Variants in ZNF423 observed in about 807,000 individuals in gnomAD.
ZNF423 encodes the protein Ebf-associated zinc finger protein.
In ZNF423, 12 loss-of-function variants were observed where a neutral mutation model predicts 95.8. That is an observed-to-expected ratio of 0.13 (90% confidence interval 0.08 to 0.20). The LOEUF (loss-of-function observed/expected upper bound fraction) is 0.20. Ranked by LOEUF, ZNF423 falls within the 10% of genes least tolerant of loss-of-function variation. The pLI is 1.00. For synonymous variants in ZNF423, 749 were observed against 711.9 expected, an observed-to-expected ratio of 1.05 and a Z score of -0.83; for missense variants, 1,316 against 1,737.1, an observed-to-expected ratio of 0.76 and a Z score of 4.31.
At position 49,636,791 on chromosome 16, in the gene ZNF423, C is replaced by T. The variant is rs189431522; in HGVS notation, c.2385G>A (p.Gly795=). Residue 795 remains glycine (G), a synonymous_variant, in exon 4 of 8, where the codon GGG becomes GGA. Transcript: ENST00000563137. This position sits in a 1 kb window ranked among gnomAD's most constrained non-coding sequence, Gnocchi z 8.6. The part of the protein sequence containing the change: ...PAKAHKCIFC[G]ETFSTEVELQ... ...GCTCCACCTCGGTGCTGAAGGTCTC[C>T]CCACAGAAGATGCACTTGTGAGCCT... 4.7e-5 allele frequency: 76 copies of T among 1,614,136 alleles called. No individual in the cohort carries two copies. The highest frequency in any genetic ancestry group is 6.7e-5 in the African/African-American group (5 of 75,056).
At chr16:49,633,530 A>C (rs1269255278) in intron 4 of ZNF423, among the ~76,000 whole-genome samples, 1 of 151,866 alleles carries the variant, frequency 6.6e-6, no homozygotes, top group Admixed American at 6.5e-5. Context: ...ATCACTATTC[A>C]TTACCACTGC....
intron 5 of ZNF423, among the ~76,000 whole-genome samples, chr16:49,532,564 G>A (rs1299957210): frequency 1.3e-5 from 2 of 152,198 alleles, no homozygotes; most frequent in East Asian, 1.9e-4. Context: ...GGGACCCAGA[G>A]CCTCTTCAAA....
In ZNF423 at chr16:49,677,471, A is replaced by AAAAGG. The variant is rs199954630; in HGVS notation, c.302-38602_302-38598dup. Among the ~76,000 whole-genome samples, 10 of 151,712 alleles carry AAAAGG rather than the reference A, an allele frequency of 6.6e-5. 1 individual carries two copies. Among genetic ancestry groups the AAAAGG allele is most frequent in the Non-Finnish European group, 8.8e-5 (6 of 67,868 alleles). On this transcript the variant is annotated intron_variant, in intron 3 of 7. Transcript: ENST00000563137. ...AAAGAGAAAGAAGAGAAGAGAAAAG[A>AAAAGG]AAAGGAAAGGAAAGGAAAGAAAAGA...
intron 4 of ZNF423, among the ~76,000 whole-genome samples, chr16:49,633,157 G>A (rs1596750820): frequency 6.6e-6 from 1 of 152,186 alleles, no homozygotes; most frequent in East Asian, 1.9e-4. Flanking sequence ...AAAGCTGGGG[G>A]CTTGAGGCAA....
chr16:49,674,479 G>C (rs1315452543), intron 3 of ZNF423, among the ~76,000 whole-genome samples: 1 of 152,190 alleles, frequency 6.6e-6, no homozygotes, highest in Non-Finnish European at 1.5e-5. Flanking sequence ...TCTGAGACGT[G>C]ATGTCACTCT....
chr16:49,761,613 G>A (rs962597491), intron 2 of ZNF423, among the ~76,000 whole-genome samples: 4 of 152,206 alleles, frequency 2.6e-5, no homozygotes, highest in African/African-American at 9.6e-5. Context: ...AGTAAATGCA[G>A]CAACATGCGT....
intron 1 of ZNF423, among the ~76,000 whole-genome samples, chr16:49,839,336 T>C (rs1015510556): frequency 4.6e-5 from 7 of 151,896 alleles, no homozygotes; most frequent in Non-Finnish European, 8.8e-5. Flanking sequence ...GCTAGATGCC[T>C]TGGAGAGGGG....
chr16:49,802,980 C>T (rs1486819255), intron 1 of ZNF423, among the ~76,000 whole-genome samples: 3 of 152,194 alleles, frequency 2.0e-5, no homozygotes, highest in Admixed American at 6.5e-5. Flanking sequence ...CAAGGACCAG[C>T]CCGATGGCTC....
intron 7 of ZNF423, among the ~76,000 whole-genome samples, chr16:49,497,993 C>T (rs1466517305): frequency 6.6e-6 from 1 of 152,164 alleles, no homozygotes; most frequent in African/African-American, 2.4e-5. Flanking sequence ...CTTTTAGCTG[C>T]CCTTTAAGGA....
intron 5 of ZNF423, among the ~76,000 whole-genome samples, chr16:49,562,847 C>T (rs1048993254): frequency 2.0e-5 from 3 of 151,978 alleles, no homozygotes; most frequent in South Asian, 2.1e-4. Context: ...GGCACAACCT[C>T]GGCTCACTGC....
At chr16:49,623,148 C>A (rs1484930236) in intron 5 of ZNF423, among the ~76,000 whole-genome samples, 2 of 152,270 alleles carry the variant, frequency 1.3e-5, no homozygotes, top group Admixed American at 1.3e-4. Flanking sequence ...AATCTGCACT[C>A]GGGGACCAAC....
intron 5 of ZNF423, among the ~76,000 whole-genome samples, chr16:49,568,500 A>C (rs1347876470): frequency 2.6e-5 from 4 of 152,000 alleles, no homozygotes; most frequent in African/African-American, 9.7e-5. Context: ...CAACTCAAAA[A>C]ACCTCTGACA....
At chr16:49,628,507 A>G (rs1175243501) in intron 4 of ZNF423, among the ~76,000 whole-genome samples, 2 of 151,544 alleles carry the variant, frequency 1.3e-5, no homozygotes, top group Non-Finnish European at 2.9e-5. Context: ...CCATTCGTCC[A>G]TCTACACACA....
At chr16:49,844,256 T>G (rs2035220482) in intron 1 of ZNF423, among the ~76,000 whole-genome samples, 1 of 152,176 alleles carries the variant, frequency 6.6e-6, no homozygotes, top group African/African-American at 2.4e-5. Context: ...TACTCCAGCC[T>G]GGGTAGCAGA....
At chr16:49,568,028 G>A (rs889564372) in intron 5 of ZNF423, among the ~76,000 whole-genome samples, 1 of 152,218 alleles carries the variant, frequency 6.6e-6, no homozygotes, top group Non-Finnish European at 1.5e-5. Context: ...TCATAGGTGA[G>A]CATGTGATTC....
intron 3 of ZNF423, among the ~76,000 whole-genome samples, chr16:49,728,348 G>C (rs1040898531): frequency 6.6e-6 from 1 of 152,216 alleles, no homozygotes; most frequent in Non-Finnish European, 1.5e-5. Context: ...GAATTTCTCA[G>C]GGATGCGCTT....
Position 49,739,698 on chromosome 16 carries a change from T to G in ZNF423, c.101-8727A>C, listed in dbSNP as rs958335843. Among the ~76,000 whole-genome samples the G allele has an allele frequency of 4.0e-3, 45 of 11,368 alleles. 1 individual carries two copies. In the East Asian group the frequency reaches 0.099, roughly 25 times the overall value. The allele number at this position is 11,368 out of a possible 152,430, so 7.5% of individuals were successfully genotyped here. ...GTTTGTTTTTTTGTTTTTGTTTGGT[T>G]TTTTTTTTTTTTTTTTTGGAGACAG... On this transcript the variant is annotated intron_variant, in intron 2 of 7. Transcript: ENST00000563137.
chr16:49,817,800 C>T (rs2034879938), intron 1 of ZNF423, among the ~76,000 whole-genome samples: 2 of 152,104 alleles, frequency 1.3e-5, no homozygotes, highest in South Asian at 4.2e-4. Flanking sequence ...ATCTTTTGAC[C>T]CTACTAGATG....
chr16:49,529,298 T>C (rs1176684724), intron 5 of ZNF423, among the ~76,000 whole-genome samples: 1 of 152,050 alleles, frequency 6.6e-6, no homozygotes, highest in East Asian at 1.9e-4. Context: ...AGGAAATCTA[T>C]TGATTTATTA....
Sources: gnomAD v4.1 joint callset for allele counts (sites outside exome capture counted in the v4.1 genomes callset) on GRCh38, gnomAD v4.1.1 for gene constraint, Gnocchi (gnomAD v3.1) non-coding constraint, MANE v1.5 for transcripts, NCBI Gene and HGNC (gene_info 2026-07-23, HGNC 2026-07-21) for gene names.